Variants in AOPEP observed in about 807,000 individuals in gnomAD.
AOPEP encodes aminopeptidase O (putative).
AOPEP carries 77 observed loss-of-function variants against 98.1 expected under a neutral mutation model. That is an observed-to-expected ratio of 0.78 (90% confidence interval 0.65 to 0.95). The LOEUF is 0.95. Among genes scored for constraint, AOPEP ranks in the 40% least tolerant of loss-of-function variants. The pLI is 0.00. For missense variants in AOPEP, 1,024 were observed against 1,024.7 expected (o/e 1.00, Z 0.01); for synonymous variants, 346 against 365.3 (o/e 0.95, Z 0.60).
At chr9:95,053,215 G>T (rs1038772364) in intron 13 of AOPEP, among the ~76,000 whole-genome samples, 7 of 152,212 alleles carry the variant, frequency 4.6e-5, no homozygotes, top group Non-Finnish European at 1.0e-4. Context: ...TTCAGCTTCA[G>T]CTGGAAGCAG....
At chr9:94,807,393 C>T (rs1345097252) in intron 5 of AOPEP, among the ~76,000 whole-genome samples, 1 of 152,176 alleles carries the variant, frequency 6.6e-6, no homozygotes, top group Admixed American at 6.5e-5. Flanking sequence ...CTTCAGAGAA[C>T]ACTGCTGGGG....
chr9:95,144,484 T>C, the AOPEP span, among the ~76,000 whole-genome samples: 18 of 152,238 alleles, frequency 1.2e-4, no homozygotes, highest in Non-Finnish European at 2.5e-4. Context: ...CTGAGCACTG[T>C]GCTAGAGCAG....
intron 10 of AOPEP, among the ~76,000 whole-genome samples, chr9:94,973,280 A>C (rs898726407): frequency 6.6e-6 from 1 of 152,200 alleles, no homozygotes; most frequent in Non-Finnish European, 1.5e-5. Context: ...TTGATCAAGC[A>C]ACATGTTGAT....
the AOPEP span, among the ~76,000 whole-genome samples, chr9:95,127,947 C>G: frequency 3.3e-5 from 5 of 152,240 alleles, no homozygotes; most frequent in African/African-American, 1.2e-4. Context: ...ATGTCCTACT[C>G]TTTAAATAAT....
chr9:95,007,218 C>A (rs1238234513), intron 13 of AOPEP, among the ~76,000 whole-genome samples: 3 of 151,946 alleles, frequency 2.0e-5, no homozygotes, highest in Non-Finnish European at 4.4e-5. Flanking sequence ...ATTTTTAAGC[C>A]AAAAATAAGA....
At chr9:94,764,034 A>G (rs1296341279) in intron 2 of AOPEP, among the ~76,000 whole-genome samples, 1 of 152,254 alleles carries the variant, frequency 6.6e-6, no homozygotes, top group Non-Finnish European at 1.5e-5. Context: ...CAGAATGGAA[A>G]GGGAGAAAGA....
At chr9:94,906,538 C>T (rs2136337857) in intron 5 of AOPEP, among the ~76,000 whole-genome samples, 1 of 151,730 alleles carries the variant, frequency 6.6e-6, no homozygotes, top group Middle Eastern at 3.4e-3. Flanking sequence ...AACCAGGTCT[C>T]AGCTACTCAG....
At chr9:95,114,572 G>A in the AOPEP span, 2 of 1,466,944 alleles carry the variant, frequency 1.4e-6, no homozygotes, top group East Asian at 2.3e-5. Context: ...AAGGGCAGAT[G>A]AGGATCTAGG....
chr9:94,996,836 C>G (rs1207339457), intron 11 of AOPEP, among the ~76,000 whole-genome samples: 1 of 152,176 alleles, frequency 6.6e-6, no homozygotes, highest in Non-Finnish European at 1.5e-5. Flanking sequence ...GAGCACAGTG[C>G]TCAAGACTGG....
the AOPEP span, among the ~76,000 whole-genome samples, chr9:95,097,571 C>T: frequency 4.5e-4 from 68 of 152,320 alleles, no homozygotes; most frequent in African/African-American, 1.2e-3. Flanking sequence ...TGCTGCTGGC[C>T]GGCTCACACC....
intron 6 of AOPEP, among the ~76,000 whole-genome samples, chr9:94,926,493 T>G (rs971404171): frequency 6.6e-6 from 1 of 152,160 alleles, no homozygotes; most frequent in African/African-American, 2.4e-5. Flanking sequence ...TGAGGCAAAA[T>G]TGCCATTCTA....
chr9:94,941,190 C>G (rs879699504), intron 7 of AOPEP, among the ~76,000 whole-genome samples: 2 of 152,226 alleles, frequency 1.3e-5, no homozygotes, highest in Non-Finnish European at 2.9e-5. Flanking sequence ...CCCTCTGGCT[C>G]TTCTCTGTAA....
At chr9:95,047,672 A>G (rs2065969876) in intron 13 of AOPEP, among the ~76,000 whole-genome samples, 1 of 152,236 alleles carries the variant, frequency 6.6e-6, no homozygotes, top group Non-Finnish European at 1.5e-5. Context: ...TTCTCAATAA[A>G]TCACATTCCT....
At chr9:94,945,776 G>T (rs1331661578) in intron 7 of AOPEP, among the ~76,000 whole-genome samples, 6 of 152,142 alleles carry the variant, frequency 3.9e-5, no homozygotes, top group Admixed American at 3.9e-4. Flanking sequence ...CTTGTAAAAT[G>T]AAGCCAATGT....
At chr9:95,078,004 T>C (rs1564611768) in intron 14 of AOPEP, among the ~76,000 whole-genome samples, 1 of 152,192 alleles carries the variant, frequency 6.6e-6, no homozygotes, top group Non-Finnish European at 1.5e-5. Flanking sequence ...CACTTAGCTC[T>C]TTATAATGAA....
intron 10 of AOPEP, among the ~76,000 whole-genome samples, chr9:94,978,844 G>A (rs895987401): frequency 2.6e-5 from 4 of 152,008 alleles, no homozygotes; most frequent in Admixed American, 6.6e-5. Context: ...AAAGCAGAAC[G>A]GGGCCCGGTT....
At chr9:95,021,856 A>G (rs2063483095) in intron 13 of AOPEP, 1 of 152,244 alleles carries the variant, frequency 6.6e-6, no homozygotes, top group South Asian at 2.1e-4. Context: ...GGAGAGGCTC[A>G]GTGGGAAGTG....
chr9:95,128,541 G>A, the AOPEP span, among the ~76,000 whole-genome samples: 1 of 152,196 alleles, frequency 6.6e-6, no homozygotes, highest in Non-Finnish European at 1.5e-5. Context: ...AAACAGCAAA[G>A]AAAATGATGA....
intron 3 of AOPEP, among the ~76,000 whole-genome samples, chr9:94,775,980 A>AAAAT (rs147381559): frequency 2.0e-5 from 3 of 151,690 alleles, no homozygotes; most frequent in Admixed American, 6.6e-5. Flanking sequence ...CTCCATCTCA[A>AAAAT]AAATAAATAA....
Sources: gnomAD v4.1 joint callset for allele counts (sites outside exome capture counted in the v4.1 genomes callset) on GRCh38, gnomAD v4.1.1 for gene constraint, MANE v1.5 for transcripts, NCBI Gene and HGNC (gene_info 2026-07-23, HGNC 2026-07-21) for gene names.